Variants in PARP4 observed in about 807,000 individuals in gnomAD.
PARP4 encodes protein mono-ADP-ribosyltransferase PARP4.
In PARP4, 120 loss-of-function variants were observed where a neutral mutation model predicts 187.7. The observed-to-expected ratio is 0.64, with a 90% CI of 0.55 to 0.74. The LOEUF (loss-of-function observed/expected upper bound fraction) is 0.74, where lower values mean the gene tolerates loss of function less well. PARP4 is among the 30% of genes least tolerant of loss of function. The probability of loss-of-function intolerance (pLI) is 0.00; values close to 1 mark genes in which losing one functional copy is unlikely to be tolerated. For synonymous variants in PARP4, 654 were observed against 740.9 expected (o/e 0.88, Z 1.90); for missense variants, 1,836 against 2,070.5 (o/e 0.89, Z 2.20).
intron 7 of PARP4, among the ~76,000 whole-genome samples, chr13:24,494,335 A>G (rs1205723026): frequency 6.6e-6 from 1 of 152,168 alleles, no homozygotes; most frequent in Non-Finnish European, 1.5e-5. Flanking sequence ...AGCTAAGACT[A>G]CAGGTACACC....
chr13:24,455,500 T>C (rs1593609509), intron 21 of PARP4, among the ~76,000 whole-genome samples: 3 of 140,094 alleles, frequency 2.1e-5, no homozygotes, highest in East Asian at 4.0e-4. Flanking sequence ...TATATATATA[T>C]ATATATCACA....
intron 30 of PARP4, 45 bp downstream of exon 30, chr13:24,441,801 A>G (rs1217870196): frequency 2.0e-6 from 3 of 1,534,910 alleles, no homozygotes; most frequent in Non-Finnish European, 2.6e-6. Flanking sequence ...ATCTTCATGA[A>G]AAAACGAAAG....
rs145891125 is a variant in PARP4 at position 24,436,225 on chromosome 13, C to T, written c.3667-751G>A. 1.5e-3 allele frequency among the ~76,000 whole-genome samples: 222 copies of T among 152,282 alleles called. 1 individual carries two copies. Among genetic ancestry groups the T allele is most frequent in the African/African-American group, 5.1e-3 (212 of 41,560 alleles). The stretch of plus-strand genomic sequence containing the variant: ...GACAGTCATTTGAAGTCAATTATTG[C>T]AGTTTTTATACTGCTTTACAGCAAT... On this transcript the variant is annotated intron_variant, in intron 30 of 33. Coordinates refer to ENST00000381989, the MANE Select transcript of PARP4 (RefSeq NM_006437.4).
At chr13:24,505,541 A>C (rs778432856) in intron 1 of PARP4, among the ~76,000 whole-genome samples, 5 of 151,866 alleles carry the variant, frequency 3.3e-5, no homozygotes, top group East Asian at 1.9e-4. Flanking sequence ...CACCGCCTAA[A>C]CCCCCCAGAA....
At chr13:24,422,669 C>A (rs1192753383) in intron 33 of PARP4, among the ~76,000 whole-genome samples, 1 of 151,974 alleles carries the variant, frequency 6.6e-6, no homozygotes, top group Non-Finnish European at 1.5e-5. Flanking sequence ...AGTGCAGGGA[C>A]ACGATCTCGG....
At chr13:24,473,441 T>C (rs1872821814) in intron 15 of PARP4, among the ~76,000 whole-genome samples, 1 of 152,148 alleles carries the variant, frequency 6.6e-6, no homozygotes, top group South Asian at 2.1e-4. Context: ...TCGATAAACG[T>C]AAAATTCAGA....
intron 15 of PARP4, among the ~76,000 whole-genome samples, chr13:24,472,171 C>G (rs1342840376): frequency 1.8e-5 from 2 of 110,326 alleles, no homozygotes; most frequent in Non-Finnish European, 4.1e-5. Flanking sequence ...AATTATAGCA[C>G]TTGGCATGGA....
intron 24 of PARP4, 104 bp from the exon 25 acceptor site, chr13:24,449,921 C>A: frequency 4.9e-6 from 3 of 616,880 alleles, no homozygotes; most frequent in South Asian, 4.2e-5. Flanking sequence ...AGAGACATGA[C>A]GTGGGGAAGA....
intron 33 of PARP4, 90 bp from the exon 34 acceptor site, chr13:24,421,404 G>A: frequency 1.7e-6 from 1 of 573,784 alleles, no homozygotes; most frequent in Non-Finnish European, 3.1e-6. Context: ...CAGACAAAAT[G>A]ATTCTGCCAA....
Position 24,435,434 on chromosome 13 carries a change from G to A in PARP4, c.3707C>T (p.Ser1236Phe). The change falls in exon 31 of 34, where the codon TCC becomes TTC. Residue 1236 changes from serine to phenylalanine, a missense_variant. Physicochemically the swap from Ser to Phe is radical, Grantham distance 155. Coordinates refer to ENST00000381989, the MANE Select transcript of PARP4 (RefSeq NM_006437.4). ...ASSEWPELRL[S>F]KRKHRKIPFS... ...TGGAATTTTCCTATGTTTTCGTTTG[G>A]ATAAACGTAATTCTGGCCACTCAGA... 1 of 1,608,952 alleles carries A rather than the reference G, an allele frequency of 6.2e-7. No homozygotes were observed. Among genetic ancestry groups the A allele is most frequent in the Non-Finnish European group, 8.5e-7 (1 of 1,178,852 alleles).
At chr13:24,444,913 A>T (rs1422736053) in intron 27 of PARP4, among the ~76,000 whole-genome samples, 2 of 152,222 alleles carry the variant, frequency 1.3e-5, no homozygotes, top group African/African-American at 4.8e-5. Flanking sequence ...GAGGAGGCTA[A>T]AGTCTGATAC....
chr13:24,498,170 G>T lies in PARP4; in HGVS notation c.537C>A (p.Ser179=), dbSNP rs1273814681. Residue 179 remains serine, a synonymous_variant, in exon 6 of 34, where the codon TCC becomes TCA. Transcript: ENST00000381989. ...AGGATATCAGGAAAGGACAGTCCCT[G>T]GAGTCCCGCGAACACTGAAGCTCCA... ...VVVELQCSRD[S]RDCPFLISSH... 1.9e-6 allele frequency: 3 copies of T among 1,613,818 alleles called. No individual in the cohort carries two copies. Among genetic ancestry groups the T allele is most frequent in the Non-Finnish European group, 2.5e-6 (3 of 1,179,984 alleles).
intron 33 of PARP4, among the ~76,000 whole-genome samples, chr13:24,422,041 C>G (rs1869773001): frequency 6.6e-6 from 1 of 152,172 alleles, no homozygotes; most frequent in Admixed American, 6.6e-5. Context: ...AAAATTCTCT[C>G]CCTGTTCCTG....
chr13:24,436,707 T>G (rs1310595957), intron 30 of PARP4, among the ~76,000 whole-genome samples: 2 of 152,142 alleles, frequency 1.3e-5, no homozygotes, highest in Non-Finnish European at 2.9e-5. Context: ...CTACTATTGT[T>G]TCAATCTAAA....
At chr13:24,510,467 T>C (rs2137558265) in intron 1 of PARP4, among the ~76,000 whole-genome samples, 1 of 141,584 alleles carries the variant, frequency 7.1e-6, no homozygotes, top group Middle Eastern at 3.9e-3. Context: ...GGCAGGGGAA[T>C]GGCGTGAACC....
At chr13:24,484,113 A>G (rs1873427771) in intron 12 of PARP4, among the ~76,000 whole-genome samples, 1 of 151,916 alleles carries the variant, frequency 6.6e-6, no homozygotes, top group African/African-American at 2.4e-5. Flanking sequence ...AAGTTCCCTG[A>G]CCTCCCTGAG....
chr13:24,454,256 C>G (rs958191445), intron 22 of PARP4, among the ~76,000 whole-genome samples: 3 of 152,256 alleles, frequency 2.0e-5, no homozygotes, highest in Non-Finnish European at 4.4e-5. Context: ...GCCTGAGCAG[C>G]TTGGCCCCTG....
intron 10 of PARP4, 81 bp downstream of exon 10, chr13:24,490,587 A>G (rs1292821879): frequency 5.8e-6 from 6 of 1,026,396 alleles, no homozygotes; most frequent in Non-Finnish European, 7.4e-6. Flanking sequence ...TTATCTAGGT[A>G]ATTACTGTAA....
At chr13:24,421,638 C>A (rs1869751816) in intron 33 of PARP4, among the ~76,000 whole-genome samples, 1 of 152,236 alleles carries the variant, frequency 6.6e-6, no homozygotes, top group Non-Finnish European at 1.5e-5. Context: ...AGTCTAAATC[C>A]TATCCATTCT....
Sources: gnomAD v4.1 joint callset for allele counts (sites outside exome capture counted in the v4.1 genomes callset) on GRCh38, gnomAD v4.1.1 for gene constraint, MANE v1.5 for transcripts, NCBI Gene and HGNC (gene_info 2026-07-23, HGNC 2026-07-21) for gene names.